Variants in NCOA7 observed in about 807,000 individuals in gnomAD.
The protein encoded by NCOA7 is 140 kDa estrogen receptor-associated protein.
NCOA7 carries 45 observed loss-of-function variants against 104.3 expected under a neutral mutation model. The ratio of observed to expected loss-of-function variants is 0.43; its 90% CI spans 0.34 to 0.55. NCOA7 has a LOEUF of 0.55. Among genes scored for constraint, NCOA7 ranks in the 20% least tolerant of loss-of-function variants. The pLI is 0.02. For synonymous variants in NCOA7, 398 were observed against 402.3 expected (o/e 0.99, Z 0.13); for missense variants, 1,041 against 1,119.7 (o/e 0.93, Z 1.00).
At chr6:125,867,088 T>C (rs1418973503) in intron 3 of NCOA7, among the ~76,000 whole-genome samples, 2 of 152,214 alleles carry the variant, frequency 1.3e-5, no homozygotes, top group Non-Finnish European at 2.9e-5. Context: ...TATCTTGTCA[T>C]TGTCTTGTTA....
At chr6:125,851,802 G>T (rs1781153155) in intron 2 of NCOA7, among the ~76,000 whole-genome samples, 1 of 151,888 alleles carries the variant, frequency 6.6e-6, no homozygotes, top group African/African-American at 2.4e-5. Flanking sequence ...AGAATAAGGT[G>T]GTATTTCATT....
rs558975325 is a variant in NCOA7 at position 125,903,721 on chromosome 6, T to A, written c.2097-11612T>A. 2.6e-5 allele frequency among the ~76,000 whole-genome samples: 4 copies of A among 151,978 alleles called. No homozygotes were observed. The East Asian group carries it at 7.7e-4, about 29-fold the overall frequency. On this transcript the variant is annotated intron_variant, in intron 10 of 15. Coordinates refer to ENST00000392477, the MANE Select transcript of NCOA7 (RefSeq NM_181782.5). The stretch of plus-strand genomic sequence containing the variant: ...TTTTTACTACCTTCTTTTTTTTTTT[T>A]TTGAGATAGAATCTTGCTCTGTCAC...
chr6:125,845,291 G>A (rs574807794), intron 2 of NCOA7, among the ~76,000 whole-genome samples: 8 of 152,250 alleles, frequency 5.3e-5, no homozygotes, highest in African/African-American at 1.9e-4. Context: ...AGTGATGTGG[G>A]ATTGCAGTCC....
At chr6:125,829,612 C>T (rs1048551892) in intron 2 of NCOA7, among the ~76,000 whole-genome samples, 13 of 152,114 alleles carry the variant, frequency 8.5e-5, no homozygotes, top group East Asian at 3.8e-4. Context: ...AAACAACCTG[C>T]GGTGAAGTGG....
At chr6:125,882,668 G>T (rs1783941249) in intron 7 of NCOA7, 117 bp downstream of exon 7, 2 of 1,268,464 alleles carry the variant, frequency 1.6e-6, no homozygotes, top group Non-Finnish European at 2.1e-6. Context: ...TCAATTTTAG[G>T]TTTGACAAGC....
intron 1 of NCOA7, among the ~76,000 whole-genome samples, chr6:125,791,415 C>T (rs1480270655): frequency 1.3e-5 from 2 of 152,232 alleles, no homozygotes; most frequent in Non-Finnish European, 2.9e-5. Context: ...GGAAATATGT[C>T]ACTGTGTTTT....
intron 10 of NCOA7, among the ~76,000 whole-genome samples, chr6:125,896,610 G>A (rs1382523867): frequency 2.0e-5 from 3 of 152,012 alleles, no homozygotes; most frequent in Non-Finnish European, 4.4e-5. Flanking sequence ...TGGGCAACAT[G>A]GTGAAATCAC....
At chr6:125,922,610 G>A (rs1344722516) in intron 12 of NCOA7, 72 bp from the exon 13 acceptor site, 42 of 1,550,388 alleles carry the variant, frequency 2.7e-5, no homozygotes, top group Non-Finnish European at 3.6e-5. Flanking sequence ...ACAGGCATTT[G>A]TTTTGTGCCA....
intron 3 of NCOA7, among the ~76,000 whole-genome samples, chr6:125,860,661 A>G (rs936514540): frequency 6.6e-6 from 1 of 152,124 alleles, no homozygotes; most frequent in Non-Finnish European, 1.5e-5. Flanking sequence ...ATCCTTTTAT[A>G]TTAAAGGAAT....
At chr6:125,853,601 A>G (rs6569439) in intron 2 of NCOA7, among the ~76,000 whole-genome samples, 106,659 of 152,110 alleles carry the variant, frequency 0.7, 37,933 homozygotes, top group African/African-American at 0.82. Flanking sequence ...TAATAGCCTA[A>G]TTAAAATACC....
intron 3 of NCOA7, among the ~76,000 whole-genome samples, chr6:125,859,870 C>T (rs1339622234): frequency 6.6e-6 from 1 of 152,178 alleles, no homozygotes; most frequent in Non-Finnish European, 1.5e-5. Context: ...CTTAGGAAAA[C>T]ACAACAGTTC....
intron 10 of NCOA7, among the ~76,000 whole-genome samples, chr6:125,894,361 AGT>A (rs778645779): frequency 2.6e-5 from 4 of 152,148 alleles, no homozygotes; most frequent in Non-Finnish European, 5.9e-5. Flanking sequence ...CCATTCTGAA[AGT>A]GGGGTTGAAA....
At chr6:125,913,612 A>G (rs930448704) in intron 10 of NCOA7, 1 of 971,142 alleles carries the variant, frequency 1.0e-6, no homozygotes, top group Non-Finnish European at 1.2e-6. Flanking sequence ...ACACTGATAC[A>G]CACCTTGTTT....
intron 2 of NCOA7, among the ~76,000 whole-genome samples, chr6:125,843,119 A>G (rs1780309765): frequency 6.6e-6 from 1 of 152,136 alleles, no homozygotes; most frequent in African/African-American, 2.4e-5. Context: ...GATCTTGCAG[A>G]TGTGATTAAG....
At position 125,928,736 on chromosome 6, in the gene NCOA7, A is replaced by G; in HGVS notation, c.2794A>G (p.Ile932Val). The G allele has an allele frequency of 4.3e-6, 7 of 1,613,762 alleles. No individual in the cohort carries two copies. The highest frequency in any genetic ancestry group is 5.9e-6 in the Non-Finnish European group (7 of 1,179,902). The change falls in exon 16 of 16, where the codon ATA becomes GTA. Residue 932 changes from isoleucine (I) to valine (V), a missense_variant. Physicochemically the swap from Ile to Val is conservative, Grantham distance 29. Around this residue, in one of 2 missense-constraint regions of NCOA7, gnomAD observed 127 missense variants for 177.0 expected, o/e 0.72. Transcript: ENST00000392477. ...TATTCTTTCCAAAAAGGAAGACTTC[A>G]TAGTTCAGGATCTGGAGGTGTGGGC... ...NDILSKKEDFIVQDLEVWAFD is the reference protein window; with the variant it reads ...NDILSKKEDFVVQDLEVWAFD
intron 3 of NCOA7, among the ~76,000 whole-genome samples, chr6:125,862,037 CAAAAAAAAA>C (rs56389001): frequency 0.48 from 30,634 of 63,630 alleles, 7,440 homozygotes; most frequent in East Asian, 0.74. Flanking sequence ...AACTCTTTCT[CAAAAAAAAA>C]AAAAAAAAAA....
intron 3 of NCOA7, among the ~76,000 whole-genome samples, chr6:125,868,768 T>G (rs889866393): frequency 2.0e-5 from 3 of 152,186 alleles, no homozygotes; most frequent in Admixed American, 2.0e-4. Context: ...CACAGACAAT[T>G]TTTGCCTCTT....
chr6:125,809,798 T>C (rs962593694), intron 1 of NCOA7, among the ~76,000 whole-genome samples: 3 of 152,142 alleles, frequency 2.0e-5, no homozygotes, highest in Non-Finnish European at 2.9e-5. Context: ...AAGAAACATG[T>C]TGTTGGGAAA....
intron 1 of NCOA7, among the ~76,000 whole-genome samples, chr6:125,791,891 C>G (rs1329571744): frequency 6.6e-6 from 1 of 152,140 alleles, no homozygotes; most frequent in Non-Finnish European, 1.5e-5. Flanking sequence ...GTTTATACAT[C>G]AGAGCTTTTG....
Sources: allele counts gnomAD v4.1 joint callset (sites outside exome capture counted in the v4.1 genomes callset), GRCh38; gene constraint gnomAD v4.1.1; regional missense constraint gnomAD v4.1.1; transcripts MANE v1.5; gene names NCBI Gene and HGNC (gene_info 2026-07-23, HGNC 2026-07-21).